ORM1: variants seen among roughly 807,000 people sequenced by gnomAD.
ORM1 encodes orosomucoid 1, also known as alpha-1-acid glycoprotein 1.
In ORM1, 13 loss-of-function variants were observed where a neutral mutation model predicts 26.9. The ratio of observed to expected loss-of-function variants is 0.48; its 90% CI spans 0.31 to 0.77. ORM1 has a LOEUF of 0.77. Among genes scored for constraint, ORM1 ranks in the 30% least tolerant of loss-of-function variants. The pLI is 0.04. For synonymous variants in ORM1, 76 were observed against 102.2 expected (o/e 0.74, Z 1.55); for missense variants, 189 against 246.8 (o/e 0.77, Z 1.57).
rs976342294 is a variant in ORM1, at chr9:114,324,802, A to G, written c.341A>G (p.Glu114Gly). 2 of 1,613,778 alleles carry G rather than the reference A, an allele frequency of 1.2e-6. No homozygotes were observed. Among genetic ancestry groups the G allele is most frequent in the Non-Finnish European group, 1.7e-6 (2 of 1,179,796 alleles). ...GTISRYVGGQEHFAHLLILRD... is the reference protein window; with the variant it reads ...GTISRYVGGQGHFAHLLILRD... ...TTTTCTCTTCCAGTGGGAGGCCAAGAGCATTTCGCTCACTTGCTGATCCTC... is the reference window on the plus strand; with the variant it reads ...TTTTCTCTTCCAGTGGGAGGCCAAGGGCATTTCGCTCACTTGCTGATCCTC... Residue 114 changes from glutamate (E) to glycine (G), a missense_variant, in exon 4 of 6, where the codon GAG becomes GGG. Physicochemically the swap from Glu to Gly is moderately conservative, Grantham distance 98 (BLOSUM62 -2). Around this residue, in one of 3 missense-constraint regions of ORM1, gnomAD observed 163 missense variants for 157.7 expected, o/e 1.03. Coordinates refer to ENST00000259396, the MANE Select transcript of ORM1 (RefSeq NM_000607.4).
Position 114,323,824 on chromosome 9 carries a change from A to G in ORM1, c.257+19A>G, listed in dbSNP as rs894524235. 1.2e-6 allele frequency: 2 copies of G among 1,613,530 alleles called. No homozygotes were observed. Among genetic ancestry groups the G allele is most frequent in the East Asian group, 2.2e-5 (1 of 44,838 alleles). On this transcript the variant is annotated intron_variant, in intron 2 of 5. Transcript: ENST00000259396. ...AGACCCGGTGAGAGCCCCCATTCCAATGCACCCCCATCTCAGCTTCTGGCC... is the reference window on the plus strand; with the variant it reads ...AGACCCGGTGAGAGCCCCCATTCCAGTGCACCCCCATCTCAGCTTCTGGCC...
At chr9:114,323,833 C>A (rs1250346958) in intron 2 of ORM1, 28 bp downstream of exon 2, 2 of 1,613,534 alleles carry the variant, frequency 1.2e-6, no homozygotes, top group African/African-American at 2.7e-5. Flanking sequence ...AATGCACCCC[C>A]ATCTCAGCTT....
chr9:114,324,138 C>T (rs1376119487), intron 3 of ORM1, 50 bp downstream of exon 3: 3 of 1,550,730 alleles, frequency 1.9e-6, no homozygotes, highest in South Asian at 1.1e-5. Context: ...ACAGGGCAGG[C>T]CAGCATAAGG....
chr9:114,323,351 T>A lies in ORM1; in HGVS notation c.114+104T>A, dbSNP rs767151264. 2.1e-5 allele frequency: 33 copies of A among 1,598,794 alleles called. No homozygotes were observed. In the South Asian group the frequency reaches 3.6e-4, roughly 17 times the overall value. Reference sequence around the variant, plus strand: ...GTGGTCGGACCCCCACTCCCGGCTCTGCCTTTTTCTCTTCTGGGTCCCCAG... The same window carrying A: ...GTGGTCGGACCCCCACTCCCGGCTCAGCCTTTTTCTCTTCTGGGTCCCCAG... On this transcript the variant is annotated intron_variant, in intron 1 of 5. Transcript: ENST00000259396.
In ORM1 at chr9:114,323,780, A is replaced by G. The variant is rs776760242; in HGVS notation, c.232A>G (p.Ile78Val). The G allele has an allele frequency of 3.5e-5, 56 of 1,614,046 alleles. No homozygotes were observed. In the South Asian group the frequency reaches 6.0e-4, roughly 17 times the overall value. ...CACCCCCAACAAGACAGAGGACACG[A>G]TCTTTCTCAGAGAGTACCAGACCCG... is the stretch of plus-strand genomic sequence containing the variant. Reference protein sequence around the residue: ...YFTPNKTEDTIFLREYQTRQD... With the variant: ...YFTPNKTEDTVFLREYQTRQD... The change falls in exon 2 of 6, where the codon ATC becomes GTC. Residue 78 changes from isoleucine to valine, a missense_variant. Ile to Val is a conservative substitution (Grantham distance 29). Transcript: ENST00000259396.
intron 4 of ORM1, 34 bp from the exon 5 acceptor site, chr9:114,325,015 A>C: frequency 6.2e-7 from 1 of 1,607,580 alleles, no homozygotes; most frequent in Non-Finnish European, 8.5e-7. Context: ...GGGCCCCACC[A>C]TGTCCCCAGT....
rs749124615 is a variant in ORM1 at position 114,325,008 on chromosome 9, C to G, written c.437-41C>G. 1.9e-6 allele frequency: 3 copies of G among 1,603,416 alleles called. No homozygotes were observed. The African/African-American group carries it at 4.0e-5, about 21-fold the overall frequency. On this transcript the variant is annotated intron_variant, in intron 4 of 5. Coordinates refer to ENST00000259396, the MANE Select transcript of ORM1 (RefSeq NM_000607.4). ...CAGCCCTCCCTGGCCTCCCGCCGGGCCCCACCATGTCCCCAGTCAGTCTCC... is the reference window on the plus strand; with the variant it reads ...CAGCCCTCCCTGGCCTCCCGCCGGGGCCCACCATGTCCCCAGTCAGTCTCC...
At chr9:114,324,614 G>C (rs1473716106) in intron 3 of ORM1, among the ~76,000 whole-genome samples, 176 bp from the exon 4 acceptor site, 2 of 152,216 alleles carry the variant, frequency 1.3e-5, no homozygotes, top group Non-Finnish European at 2.9e-5. Flanking sequence ...TGTACAGAAA[G>C]TGCTTGGCGT....
rs145606726 is a variant in ORM1, at chr9:114,323,139, G to A, written c.6G>A (p.Ala2=). 29 of 1,455,640 alleles carry A rather than the reference G, an allele frequency of 2.0e-5. No homozygotes were observed. Among genetic ancestry groups the A allele is most frequent in the African/African-American group, 1.2e-4 (8 of 66,986 alleles). 90.2% of individuals were successfully genotyped at this position (1,455,640 alleles called of 1,614,324 possible). M[A]LSWVLTVLSL... The stretch of plus-strand genomic sequence containing the variant: ...ACGTGCCTCCTGGTCTCAGTATGGC[G>A]CTGTCCTGGGTTCTTACAGTCCTGA... The change falls in exon 1 of 6, where the codon GCG becomes GCA. Residue 2 remains alanine (A), a synonymous_variant. Transcript: ENST00000259396.
At chr9:114,325,454 CA>C (rs1829755221) in intron 5 of ORM1, among the ~76,000 whole-genome samples, 1 of 151,678 alleles carries the variant, frequency 6.6e-6, no homozygotes, top group Admixed American at 6.6e-5. Flanking sequence ...GGGGAGTTAC[CA>C]CCTACAGACG....
chr9:114,323,810 G>C lies in ORM1; in HGVS notation c.257+5G>C. The C allele has an allele frequency of 6.2e-7, 1 of 1,614,034 alleles. No individual in the cohort carries two copies. The highest frequency in any genetic ancestry group is 8.5e-7 in the Non-Finnish European group (1 of 1,180,012). ...TCTCAGAGAGTACCAGACCCGGTGA[G>C]AGCCCCCATTCCAATGCACCCCCAT... is the stretch of plus-strand genomic sequence containing the variant. On this transcript the variant is annotated splice_donor_5th_base_variant and intron_variant, in intron 2 of 5. Coordinates refer to ENST00000259396, the MANE Select transcript of ORM1 (RefSeq NM_000607.4).
chr9:114,326,249 T>G (rs761608479), intron 5 of ORM1, 43 bp from the exon 6 acceptor site: 1 of 1,592,462 alleles, frequency 6.3e-7, no homozygotes, highest in Non-Finnish European at 8.5e-7. Context: ...CCTGTCCCCA[T>G]GCCTCTGCTT....
chr9:114,324,322 T>C (rs1387560909), intron 3 of ORM1, among the ~76,000 whole-genome samples: 1 of 152,174 alleles, frequency 6.6e-6, no homozygotes, highest in Non-Finnish European at 1.5e-5. Flanking sequence ...CAGCTTATAA[T>C]TAGAACTAGA....
Position 114,324,209 on chromosome 9 carries a change from T to C in ORM1, c.328+121T>C, listed in dbSNP as rs182101558. On this transcript the variant is annotated intron_variant, in intron 3 of 5. Transcript: ENST00000259396. Reference sequence around the variant, plus strand: ...ACAGAGAAATAACCACTAACATTTTTGAGCTCTAACGATGTGCTCAGAAAC... The same window carrying C: ...ACAGAGAAATAACCACTAACATTTTCGAGCTCTAACGATGTGCTCAGAAAC... 2.4e-3 allele frequency: 2,279 copies of C among 950,902 alleles called. 12 individuals are homozygous for C. The highest frequency in any genetic ancestry group is 3.3e-3 in the Admixed American group (176 of 53,104). 58.9% of individuals were successfully genotyped at this position (950,902 alleles called of 1,614,324 possible).
At chr9:114,324,755 C>T (rs746779365) in intron 3 of ORM1, 35 bp from the exon 4 acceptor site, 3 of 1,533,154 alleles carry the variant, frequency 2.0e-6, no homozygotes, top group African/African-American at 1.4e-5. Context: ...TGTGCCATCC[C>T]ATGTTCTCAC....
intron 3 of ORM1, among the ~76,000 whole-genome samples, chr9:114,324,456 C>T (rs530448608): frequency 1.3e-5 from 2 of 152,292 alleles, no homozygotes; most frequent in Non-Finnish European, 2.9e-5. Context: ...CCCCCATCAC[C>T]GCAGAGGTGG....
At chr9:114,323,332 G>C in intron 1 of ORM1, 85 bp downstream of exon 1, 1 of 1,611,942 alleles carries the variant, frequency 6.2e-7, no homozygotes, top group South Asian at 1.1e-5. Context: ...GGCTGTGGTC[G>C]GACCCCCACT....
chr9:114,324,827 C>T lies in ORM1; in HGVS notation c.366C>T (p.Leu122=), dbSNP rs1200683259. The change falls in exon 4 of 6, where the codon CTC becomes CTT. Residue 122 remains leucine, a synonymous_variant. Transcript: ENST00000259396. ...GQEHFAHLLI[L]RDTKTYMLAF... is the part of the protein sequence containing the mutation. ...AGCATTTCGCTCACTTGCTGATCCT[C>T]AGGGACACCAAGACCTACATGCTTG... 2 of 1,614,018 alleles carry T rather than the reference C, an allele frequency of 1.2e-6. No individual in the cohort carries two copies. Among genetic ancestry groups the T allele is most frequent in the Non-Finnish European group, 8.5e-7 (1 of 1,179,994 alleles).
At position 114,324,039 on chromosome 9, in the gene ORM1, C is replaced by T; in HGVS notation, c.279C>T (p.Asn93=). 6.2e-7 allele frequency: 1 copy of T among 1,614,082 alleles called. No individual in the cohort carries two copies. The highest frequency in any genetic ancestry group is 8.5e-7 in the Non-Finnish European group (1 of 1,180,012). ...YQTRQDQCIY[N]TTYLNVQREN... ...TTAGACAGGACCAGTGCATCTATAA[C>T]ACCACCTACCTGAATGTCCAGCGGG... The change falls in exon 3 of 6, where the codon AAC becomes AAT. Residue 93 remains asparagine (N), a synonymous_variant. Coordinates refer to ENST00000259396, the MANE Select transcript of ORM1 (RefSeq NM_000607.4).
Sources: gnomAD v4.1 joint callset for allele counts (sites outside exome capture counted in the v4.1 genomes callset) on GRCh38, gnomAD v4.1.1 for gene constraint, gnomAD v4.1.1 regional missense constraint, MANE v1.5 for transcripts, NCBI Gene and HGNC (gene_info 2026-07-23, HGNC 2026-07-21) for gene names.